Variants in DIAPH3 observed in about 807,000 individuals in gnomAD.
DIAPH3 encodes the protein diaphanous related formin 3, also known as protein diaphanous homolog 3.
DIAPH3 carries 117 observed loss-of-function variants against 144.3 expected under a neutral mutation model. That is an observed-to-expected ratio of 0.81 (90% CI 0.70 to 0.95). The LOEUF (loss-of-function observed/expected upper bound fraction) is 0.95. Among genes scored for constraint, DIAPH3 ranks in the 40% least tolerant of loss-of-function variants. The probability of loss-of-function intolerance (pLI) is 0.00; values close to 1 mark genes in which losing one functional copy is unlikely to be tolerated. For synonymous variants in DIAPH3, 519 were observed against 488.9 expected (o/e 1.06, Z -0.81); for missense variants, 1,421 against 1,412.7 (o/e 1.01, Z -0.09).
intron 5 of DIAPH3, among the ~76,000 whole-genome samples, chr13:60,030,816 A>G (rs1301659375): frequency 1.6e-4 from 24 of 152,218 alleles, no homozygotes; most frequent in Admixed American, 1.4e-3. Context: ...CAATATTTCA[A>G]GTGCTCAACA....
At chr13:60,141,305 T>C (rs1166163102) in intron 1 of DIAPH3, among the ~76,000 whole-genome samples, 1 of 146,164 alleles carries the variant, frequency 6.8e-6, no homozygotes, top group African/African-American at 2.6e-5. Context: ...AGACCTAGTC[T>C]CATAATTCTA....
At chr13:60,091,354 G>C (rs1255341060) in intron 4 of DIAPH3, among the ~76,000 whole-genome samples, 2 of 152,196 alleles carry the variant, frequency 1.3e-5, no homozygotes, top group African/African-American at 4.8e-5. Flanking sequence ...CTGACCTGCA[G>C]TGGCACGATC....
In DIAPH3 at chr13:60,088,916, G is replaced by A. The variant is rs184572832; in HGVS notation, c.495+4712C>T. ...GGATTACAGGAGTAAGCCACCAAGC[G>A]CAGCCATATATTTTATTTTTACTAA... On this transcript the variant is annotated intron_variant, in intron 4 of 27. Transcript: ENST00000400324. Among the ~76,000 whole-genome samples, 512 of 152,174 alleles carry A rather than the reference G, an allele frequency of 3.4e-3. 2 individuals are homozygous for A. The highest frequency in any genetic ancestry group is 0.011 in the African/African-American group (467 of 41,530).
At chr13:59,918,942 TACA>T (rs1425391634) in intron 18 of DIAPH3, among the ~76,000 whole-genome samples, 836 of 26,888 alleles carry the variant, frequency 0.031, 32 homozygotes, top group East Asian at 0.21. Context: ...TTCAAGAAAA[TACA>T]AAAAAAAAAA....
At chr13:59,749,209 C>CTA (rs2036862843) in intron 27 of DIAPH3, among the ~76,000 whole-genome samples, 1 of 25,094 alleles carries the variant, frequency 4.0e-5, no homozygotes, top group Non-Finnish European at 6.9e-5. Context: ...GACTCTGTCT[C>CTA]AAAAAAAAAA....
intron 5 of DIAPH3, among the ~76,000 whole-genome samples, chr13:60,029,555 A>G (rs2054633749): frequency 6.6e-6 from 1 of 152,134 alleles, no homozygotes. Flanking sequence ...ACAAGATCTG[A>G]TGGCTTTATA....
intron 27 of DIAPH3, among the ~76,000 whole-genome samples, chr13:59,748,821 G>A (rs1165858239): frequency 6.6e-6 from 1 of 152,160 alleles, no homozygotes; most frequent in Non-Finnish European, 1.5e-5. Context: ...GCCACGGTTG[G>A]TGGTAATCTG....
intron 22 of DIAPH3, among the ~76,000 whole-genome samples, chr13:59,860,017 TA>T (rs1197071219): frequency 6.6e-6 from 1 of 152,146 alleles, no homozygotes; most frequent in East Asian, 1.9e-4. Flanking sequence ...GTAAAAGGCT[TA>T]TTTTTTGTCT....
chr13:60,149,809 G>A (rs1951701299), intron 1 of DIAPH3, among the ~76,000 whole-genome samples: 1 of 151,160 alleles, frequency 6.6e-6, no homozygotes, highest in African/African-American at 2.4e-5. Flanking sequence ...AGCAGCCCTT[G>A]GGGCTGCTCT....
In DIAPH3 at chr13:59,926,463, C is replaced by G. The variant is rs117387116; in HGVS notation, c.2075-1593G>C. Among the ~76,000 whole-genome samples, 216 of 152,250 alleles carry G rather than the reference C, an allele frequency of 1.4e-3. 4 individuals are homozygous for G. The East Asian group carries it at 0.032, about 22-fold the overall frequency. On this transcript the variant is annotated intron_variant, in intron 17 of 27. Transcript: ENST00000400324. The stretch of plus-strand genomic sequence containing the variant: ...GCATTTTTTGCTACAAACTTCCCTC[C>G]TAGTACTGTTTGTGCTATATTCTAA...
intron 2 of DIAPH3, among the ~76,000 whole-genome samples, chr13:60,128,103 C>T (rs964053269): frequency 1.2e-4 from 19 of 152,076 alleles, no homozygotes; most frequent in African/African-American, 4.6e-4. Context: ...TTTTTCCCCT[C>T]TTTGTGTCCA....
At chr13:59,927,007 G>A (rs1254538434) in intron 17 of DIAPH3, among the ~76,000 whole-genome samples, 5 of 152,014 alleles carry the variant, frequency 3.3e-5, no homozygotes, top group Admixed American at 2.6e-4. Flanking sequence ...GTGTTCTGGC[G>A]CTGGGCATTC....
At chr13:60,021,242 C>T (rs2053996691) in intron 5 of DIAPH3, among the ~76,000 whole-genome samples, 1 of 152,178 alleles carries the variant, frequency 6.6e-6, no homozygotes, top group Admixed American at 6.5e-5. Context: ...AGGAAAATTA[C>T]CCTAGTTTAT....
chr13:60,134,409 G>A (rs1353281095), intron 1 of DIAPH3, among the ~76,000 whole-genome samples: 3 of 152,272 alleles, frequency 2.0e-5, no homozygotes, highest in East Asian at 1.9e-4. Flanking sequence ...GATCCTGAGC[G>A]GGATGTAAAG....
At chr13:60,049,917 T>C (rs943185496) in intron 4 of DIAPH3, among the ~76,000 whole-genome samples, 1 of 152,226 alleles carries the variant, frequency 6.6e-6, no homozygotes, top group Admixed American at 6.5e-5. Context: ...CGGCTAAGCA[T>C]GGTAGCTCAT....
At chr13:59,990,524 A>G (rs945065639) in intron 12 of DIAPH3, among the ~76,000 whole-genome samples, 1 of 151,966 alleles carries the variant, frequency 6.6e-6, no homozygotes, top group African/African-American at 2.4e-5. Flanking sequence ...ACATTTACTA[A>G]GCATACACCA....
chr13:60,131,658 T>C (rs4886207), intron 2 of DIAPH3, among the ~76,000 whole-genome samples: 96,154 of 151,840 alleles, frequency 0.63, 30,894 homozygotes, highest in Admixed American at 0.72. Flanking sequence ...CAGAGAGGGA[T>C]TATTTATGAA....
chr13:59,830,623 C>T (rs1356653648), intron 24 of DIAPH3, among the ~76,000 whole-genome samples: 1 of 151,766 alleles, frequency 6.6e-6, no homozygotes. Flanking sequence ...TATTTGCCCA[C>T]ATGAAATGCC....
intron 27 of DIAPH3, among the ~76,000 whole-genome samples, chr13:59,748,902 T>C (rs1739549267): frequency 6.6e-6 from 1 of 152,172 alleles, no homozygotes; most frequent in Admixed American, 6.5e-5. Flanking sequence ...TTCATCATGC[T>C]GAGCACACAG....
Sources: allele counts gnomAD v4.1 joint callset (sites outside exome capture counted in the v4.1 genomes callset), GRCh38; gene constraint gnomAD v4.1.1; transcripts MANE v1.5; gene names NCBI Gene and HGNC (gene_info 2026-07-23, HGNC 2026-07-21).